MAP7D3: variants seen among roughly 807,000 people sequenced by gnomAD.
MAP7D3 encodes the protein MAP7 domain-containing protein 3.
In MAP7D3, 45 loss-of-function variants were observed where a neutral mutation model predicts 62.2. That is an observed-to-expected ratio of 0.72 (90% CI 0.57 to 0.93). MAP7D3 has a LOEUF of 0.93. MAP7D3 is among the 40% of genes least tolerant of loss of function. MAP7D3 has a pLI of 0.00. For synonymous variants in MAP7D3, 288 were observed against 248.8 expected (o/e 1.16, Z -1.48); for missense variants, 711 against 683.1 (o/e 1.04, Z -0.45).
chrX:136,222,385 T>A lies in MAP7D3; in HGVS notation c.2287+8A>T. 8.4e-7 allele frequency: 1 copy of A among 1,193,858 alleles called. No individual in the cohort carries two copies. The highest frequency in any genetic ancestry group is 1.8e-5 in the South Asian group (1 of 56,295). Reference sequence around the variant, plus strand: ...CCTAAGCAGTCTAGCTCCTAAATGGTGACTAACCTGATGGAAACATTTCAT... The same window carrying A: ...CCTAAGCAGTCTAGCTCCTAAATGGAGACTAACCTGATGGAAACATTTCAT... On this transcript the variant is annotated splice_region_variant and intron_variant, in intron 15 of 18. Transcript: ENST00000316077.
At position 136,236,334 on chromosome X, in the gene MAP7D3, T is replaced by C. The variant is rs766118553; in HGVS notation, c.646A>G (p.Thr216Ala). Residue 216 changes from threonine to alanine, a missense_variant, in exon 7 of 19, where the codon ACA becomes GCA. Physicochemically the swap from Thr to Ala is moderately conservative, Grantham distance 58 (BLOSUM62 0). Transcript: ENST00000316077. ...GLQNSVAKRK[T>A]DKERSSSLNR... ...AAAGATGAGCTTCTCTCCTTGTCTG[T>C]TTTCCCTAGAGAGCAAGTACAAAAG... 6.1e-6 allele frequency: 7 copies of C among 1,139,868 alleles called. No individual in the cohort carries two copies. In the South Asian group the frequency reaches 1.1e-4, roughly 19 times the overall value. 93.9% of individuals were successfully genotyped at this position (1,139,868 alleles called of 1,213,427 possible).
chrX:136,228,530 T>C (rs990228440), intron 11 of MAP7D3, 93 bp downstream of exon 11: 5 of 884,718 alleles, frequency 5.7e-6, no homozygotes, highest in East Asian at 3.4e-5. Context: ...AATTGTTCTT[T>C]GAGAATTTAT....
chrX:136,245,099 A>G (rs950700997), intron 3 of MAP7D3, among the ~76,000 whole-genome samples: 2 of 112,404 alleles, frequency 1.8e-5, no homozygotes, highest in African/African-American at 6.5e-5. Flanking sequence ...ATTTCTGCTG[A>G]TTTGAGCTAA....
chrX:136,220,852 T>C lies in MAP7D3; in HGVS notation c.2399A>G (p.Lys800Arg), dbSNP rs757743037. 8.3e-7 allele frequency: 1 copy of C among 1,207,688 alleles called. No individual in the cohort carries two copies. The highest frequency in any genetic ancestry group is 1.1e-6 in the Non-Finnish European group (1 of 891,682). Residue 800 changes from lysine (K) to arginine (R), a missense_variant, in exon 16 of 19, where the codon AAA becomes AGA. By Grantham distance (26) the Lys-to-Arg change is conservative (BLOSUM62 2). Transcript: ENST00000316077. The stretch of plus-strand genomic sequence containing the variant: ...GCCATTAAAATATGTTTTTGGCTCT[T>C]TACGGACCTGGCTGGTACCATCTTC... ...FLEDGTSQVR[K>R]EPKTYFNGDL...
intron 1 of MAP7D3, among the ~76,000 whole-genome samples, chrX:136,249,218 A>G (rs2074479393): frequency 8.9e-6 from 1 of 112,311 alleles, no homozygotes; most frequent in Non-Finnish European, 1.9e-5. Context: ...TGACAAGATC[A>G]TCTTAAGGTT....
chrX:136,225,393 T>C (rs1200031247), intron 13 of MAP7D3, among the ~76,000 whole-genome samples: 1 of 110,848 alleles, frequency 9.0e-6, no homozygotes, highest in Non-Finnish European at 1.9e-5. Flanking sequence ...GTGAGGAGAG[T>C]TGCAGCTCCC....
intron 3 of MAP7D3, 108 bp from the exon 4 acceptor site, chrX:136,244,903 T>TA: frequency 1.8e-6 from 1 of 553,656 alleles, no homozygotes; most frequent in Non-Finnish European, 2.9e-6. Flanking sequence ...TTCACTTTCT[T>TA]AAAATAACAC....
At chrX:136,228,598 A>T (rs774820552) in intron 11 of MAP7D3, 25 bp downstream of exon 11, 11 of 1,188,349 alleles carry the variant, frequency 9.3e-6, no homozygotes, top group African/African-American at 5.3e-5. Flanking sequence ...GATTTATAGT[A>T]TAGGAAGGAA....
chrX:136,249,735 GA>G (rs994520274), intron 1 of MAP7D3, among the ~76,000 whole-genome samples: 1 of 111,918 alleles, frequency 8.9e-6, no homozygotes, highest in African/African-American at 3.2e-5. Flanking sequence ...ACCCCTTCAG[GA>G]AAACGCTGAG....
chrX:136,255,759 G>A (rs1476994889), upstream of MAP7D3, among the ~76,000 whole-genome samples: 4 of 111,093 alleles, frequency 3.6e-5, no homozygotes, highest in Non-Finnish European at 7.5e-5. Context: ...TCTCCTCCCC[G>A]TATTTGGAAA....
At chrX:136,226,140 G>C in intron 12 of MAP7D3, 127 bp from the exon 13 acceptor site, 1 of 451,957 alleles carries the variant, frequency 2.2e-6, no homozygotes, top group Non-Finnish European at 3.7e-6. Flanking sequence ...TTTTGAATGA[G>C]GGTTCCTATA....
rs181083891 is a variant in MAP7D3, at chrX:136,248,468, G to C, written c.71-2127C>G. ...TTTTATTCAACTTCATTGAATGAAA[G>C]AATTTACTTAACATGCATTTAAATG... is the stretch of plus-strand genomic sequence containing the variant. On this transcript the variant is annotated intron_variant, in intron 1 of 18. Transcript: ENST00000316077. 6.2e-4 allele frequency among the ~76,000 whole-genome samples: 70 copies of C among 112,044 alleles called. No individual in the cohort carries two copies. In the East Asian group the frequency reaches 0.017, roughly 28 times the overall value.
chrX:136,235,103 G>C (rs2074314783), intron 7 of MAP7D3, among the ~76,000 whole-genome samples: 1 of 112,067 alleles, frequency 8.9e-6, no homozygotes, highest in African/African-American at 3.2e-5. Context: ...ATTCCCCACC[G>C]TATGAAATTT....
At chrX:136,254,655 T>C (rs974699055), upstream of MAP7D3, among the ~76,000 whole-genome samples, 16 of 110,597 alleles carry the variant, frequency 1.4e-4, no homozygotes, top group African/African-American at 5.3e-4. Context: ...TCAGTCCTGT[T>C]TGGAGTGATC....
chrX:136,241,494 T>C (rs960814512), intron 4 of MAP7D3, among the ~76,000 whole-genome samples: 1 of 112,116 alleles, frequency 8.9e-6, no homozygotes, highest in Non-Finnish European at 1.9e-5. Flanking sequence ...ATGACCATGC[T>C]TTCCTCTTTG....
upstream of MAP7D3, among the ~76,000 whole-genome samples, chrX:136,253,524 C>A (rs2074534575): frequency 2.7e-5 from 3 of 112,167 alleles, no homozygotes; most frequent in Admixed American, 9.4e-5. Context: ...GCTAAAGAGA[C>A]CACATGCAAT....
intron 4 of MAP7D3, among the ~76,000 whole-genome samples, chrX:136,243,809 CCAAGT>C (rs1184073585): frequency 9.0e-6 from 1 of 111,290 alleles, no homozygotes; most frequent in Non-Finnish European, 1.9e-5. Context: ...GAAGCATACT[CCAAGT>C]CAAGTAGTGA....
rs777945126 is a variant in MAP7D3, at chrX:136,228,739, A to G, written c.1770T>C (p.Thr590=). ...MIYEESGNKS[T]AGIMNAEAAT... ...CCGCCTCGGCATTCATAATACCTGCAGTACTCTTATTACCAGACTCTAGTT... is the reference window on the plus strand; with the variant it reads ...CCGCCTCGGCATTCATAATACCTGCGGTACTCTTATTACCAGACTCTAGTT... The change falls in exon 11 of 19, where the codon ACT becomes ACC. Residue 590 remains threonine, a synonymous_variant. Transcript: ENST00000316077. The G allele has an allele frequency of 1.7e-6, 2 of 1,196,586 alleles. No homozygotes were observed. Among genetic ancestry groups the G allele is most frequent in the Admixed American group, 2.3e-5 (1 of 43,610 alleles).
intron 1 of MAP7D3, among the ~76,000 whole-genome samples, chrX:136,248,857 G>A (rs1358683927): frequency 8.9e-6 from 1 of 112,125 alleles, no homozygotes; most frequent in Non-Finnish European, 1.9e-5. Context: ...GTAGTAAGTG[G>A]TGAAGCCAGA....
Sources: allele counts gnomAD v4.1 joint callset (sites outside exome capture counted in the v4.1 genomes callset), GRCh38; gene constraint gnomAD v4.1.1; transcripts MANE v1.5; gene names NCBI Gene and HGNC (gene_info 2026-07-23, HGNC 2026-07-21).